The following LRMDA variants were observed in gnomAD, a reference collection of about 807,000 sequenced individuals.
The protein encoded by LRMDA is leucine-rich melanocyte differentiation-associated protein.
A neutral mutation model predicts 29.8 loss-of-function variants in LRMDA; 18 were observed. The ratio of observed to expected loss-of-function variants is 0.60; its 90% CI spans 0.42 to 0.90. LRMDA has a LOEUF of 0.90. LRMDA is among the 40% of genes least tolerant of loss of function. The pLI is 0.00. For missense variants in LRMDA, 273 were observed against 273.9 expected, an observed-to-expected ratio of 1.00 and a Z score of 0.02; for synonymous variants, 125 against 109.4, an observed-to-expected ratio of 1.14 and a Z score of -0.89.
chr10:76,050,014 A>T (rs2132044576), intron 4 of LRMDA, among the ~76,000 whole-genome samples: 1 of 152,306 alleles, frequency 6.6e-6, no homozygotes, highest in East Asian at 1.9e-4. Context: ...AGAAGCAAGA[A>T]CCCATGGTTC....
At chr10:75,748,516 T>C (rs890875034) in intron 2 of LRMDA, among the ~76,000 whole-genome samples, 6 of 152,346 alleles carry the variant, frequency 3.9e-5, no homozygotes, top group African/African-American at 1.2e-4. Flanking sequence ...AGTCCAATTA[T>C]AGAAATTTCT....
intron 5 of LRMDA, among the ~76,000 whole-genome samples, chr10:76,191,751 G>A (rs1203888641): frequency 1.3e-5 from 2 of 152,184 alleles, no homozygotes; most frequent in Non-Finnish European, 2.9e-5. Context: ...TTAAGGAAAT[G>A]CCAAAATGAC....
chr10:76,557,452 C>T lies in LRMDA; in HGVS notation c.*164C>T, dbSNP rs1417877927. The T allele has an allele frequency of 3.2e-6, 2 of 631,694 alleles. No homozygotes were observed. The highest frequency in any genetic ancestry group is 5.4e-5 in the East Asian group (2 of 36,844). 39.1% of individuals were successfully genotyped at this position (631,694 alleles called of 1,614,324 possible). ...CTTCCGCTGACTTTGCCAGGCCTGTCAAGATGATCCTTCTGCCTTAGACTG... is the reference window on the plus strand; with the variant it reads ...CTTCCGCTGACTTTGCCAGGCCTGTTAAGATGATCCTTCTGCCTTAGACTG... On this transcript the variant is annotated 3_prime_UTR_variant, in exon 7 of 7. Transcript: ENST00000611255.
chr10:76,108,724 C>T (rs1274816223), intron 5 of LRMDA, among the ~76,000 whole-genome samples: 5 of 152,206 alleles, frequency 3.3e-5, no homozygotes, highest in African/African-American at 7.2e-5. Flanking sequence ...CTCTGCTCAG[C>T]ACCTATCCAA....
chr10:76,387,322 G>A (rs1191895698), intron 6 of LRMDA, among the ~76,000 whole-genome samples: 1 of 152,072 alleles, frequency 6.6e-6, no homozygotes, highest in African/African-American at 2.4e-5. Context: ...TATATTCAGA[G>A]CAGGCATAGT....
In LRMDA at chr10:76,008,578, G is replaced by C. The variant is rs527351344; in HGVS notation, c.132-27430G>C. On this transcript the variant is annotated intron_variant, in intron 2 of 6. Transcript: ENST00000611255. ...ATCCAGCATCACTGTGCAGGGCACA[G>C]GGGACTGGCGTGGCCAGTGCCAACC... Among the ~76,000 whole-genome samples the C allele has an allele frequency of 2.6e-5, 4 of 152,276 alleles. No individual in the cohort carries two copies. In the South Asian group the frequency reaches 8.3e-4, roughly 31 times the overall value.
intron 6 of LRMDA, among the ~76,000 whole-genome samples, chr10:76,483,951 G>A (rs536886269): frequency 6.7e-4 from 102 of 151,894 alleles, no homozygotes; most frequent in Non-Finnish European, 1.3e-3. Flanking sequence ...CTAATACCAT[G>A]CCATAGTAAT....
chr10:76,103,801 A>T (rs777089005), intron 5 of LRMDA, among the ~76,000 whole-genome samples: 7 of 152,168 alleles, frequency 4.6e-5, no homozygotes, highest in Non-Finnish European at 1.0e-4. Flanking sequence ...CTGTAATCCC[A>T]GCACTTTGGG....
intron 6 of LRMDA, among the ~76,000 whole-genome samples, chr10:76,365,121 T>C (rs201659572): frequency 3.5e-4 from 25 of 70,728 alleles, no homozygotes; most frequent in African/African-American, 9.6e-4. Flanking sequence ...CACACACACA[T>C]ACACACCACA....
At chr10:75,849,772 A>T (rs1844700590) in intron 2 of LRMDA, among the ~76,000 whole-genome samples, 1 of 152,258 alleles carries the variant, frequency 6.6e-6, no homozygotes, top group African/African-American at 2.4e-5. Flanking sequence ...TAAAAATTTA[A>T]AAAAGCCCTA....
intron 5 of LRMDA, among the ~76,000 whole-genome samples, chr10:76,116,924 G>T (rs1206128133): frequency 6.6e-6 from 1 of 152,170 alleles, no homozygotes; most frequent in East Asian, 1.9e-4. Flanking sequence ...ATTTTCCAGG[G>T]CTCTCTTGGG....
At chr10:76,425,591 T>A (rs1842116030) in intron 6 of LRMDA, among the ~76,000 whole-genome samples, 1 of 151,486 alleles carries the variant, frequency 6.6e-6, no homozygotes, top group African/African-American at 2.4e-5. Flanking sequence ...TTTATTTATT[T>A]ATTTATTTTT....
intron 2 of LRMDA, among the ~76,000 whole-genome samples, chr10:75,711,655 G>GTT (rs1004166258): frequency 5.9e-5 from 9 of 152,014 alleles, no homozygotes; most frequent in African/African-American, 2.2e-4. Flanking sequence ...TGTGAATAGG[G>GTT]GGTAAGAAAA....
intron 6 of LRMDA, among the ~76,000 whole-genome samples, chr10:76,398,474 A>G (rs1034687540): frequency 2.0e-5 from 3 of 152,226 alleles, no homozygotes; most frequent in African/African-American, 7.2e-5. Context: ...TTGCCTAGTC[A>G]ACGACCCTCA....
At chr10:75,906,910 G>T (rs1481239306) in intron 2 of LRMDA, among the ~76,000 whole-genome samples, 1 of 152,204 alleles carries the variant, frequency 6.6e-6, no homozygotes, top group African/African-American at 2.4e-5. Flanking sequence ...ACCGGGGCTA[G>T]GTTGCTTTAA....
intron 2 of LRMDA, among the ~76,000 whole-genome samples, chr10:75,741,452 T>C (rs532281506): frequency 4.0e-5 from 6 of 149,838 alleles, no homozygotes; most frequent in African/African-American, 9.8e-5. Flanking sequence ...AAAAAAAGGC[T>C]CACATGATTA....
At chr10:75,754,593 T>C (rs1843007680) in intron 2 of LRMDA, among the ~76,000 whole-genome samples, 1 of 152,210 alleles carries the variant, frequency 6.6e-6, no homozygotes, top group South Asian at 2.1e-4. Context: ...TCACAGTTGC[T>C]GGTATTAGTT....
chr10:76,475,329 A>G (rs1249842507), intron 6 of LRMDA, among the ~76,000 whole-genome samples: 2 of 151,910 alleles, frequency 1.3e-5, no homozygotes, highest in Non-Finnish European at 2.9e-5. Flanking sequence ...ATTTTACGCT[A>G]TGTTTATTAT....
chr10:75,872,298 CTCT>C (rs1413090329), intron 2 of LRMDA, among the ~76,000 whole-genome samples: 7 of 151,034 alleles, frequency 4.6e-5, no homozygotes, highest in African/African-American at 1.7e-4. Context: ...CTCTCTCTCT[CTCT>C]TTTTTTTTTT....
Sources: allele counts gnomAD v4.1 joint callset (sites outside exome capture counted in the v4.1 genomes callset), GRCh38; gene constraint gnomAD v4.1.1; transcripts MANE v1.5; gene names NCBI Gene and HGNC (gene_info 2026-07-23, HGNC 2026-07-21).